The following FRYL variants were observed in gnomAD, a reference collection of about 807,000 sequenced individuals.
FRYL encodes the protein FRY like transcription coactivator, also known as protein furry homolog-like.
In FRYL, 150 loss-of-function variants were observed where a neutral mutation model predicts 351.2. That is an observed-to-expected ratio of 0.43 (90% CI 0.37 to 0.49). The LOEUF (loss-of-function observed/expected upper bound fraction) is 0.49. Among genes scored for constraint, FRYL ranks in the 20% least tolerant of loss-of-function variants. FRYL has a pLI of 0.00. For synonymous variants in FRYL, 1,153 were observed against 1,257.1 expected (o/e 0.92, Z 1.75); for missense variants, 3,036 against 3,619.3 (o/e 0.84, Z 4.13).
intron 2 of FRYL, among the ~76,000 whole-genome samples, chr4:48,708,308 A>T (rs1459596038): frequency 1.1e-3 from 3 of 2,676 alleles, no homozygotes; most frequent in Non-Finnish European, 4.0e-3. Flanking sequence ...ATAAATAAAT[A>T]AAAATAAAAT....
chr4:48,593,621 C>A (rs1743991846), intron 16 of FRYL, among the ~76,000 whole-genome samples: 1 of 152,074 alleles, frequency 6.6e-6, no homozygotes. Context: ...GCCTCAGCCT[C>A]CCAAAGTGCT....
At chr4:48,605,633 C>A in intron 11 of FRYL, 108 bp downstream of exon 11, 3 of 744,146 alleles carry the variant, frequency 4.0e-6, no homozygotes, top group Non-Finnish European at 4.6e-6. Context: ...CTTCCCATGG[C>A]CACAGCTTAT....
intron 3 of FRYL, among the ~76,000 whole-genome samples, chr4:48,673,483 G>A (rs1342400178): frequency 6.6e-6 from 1 of 152,018 alleles, no homozygotes; most frequent in Admixed American, 6.6e-5. Flanking sequence ...GAACTCCTGG[G>A]TTCAAGTAGT....
chr4:48,683,869 C>T lies in FRYL; in HGVS notation c.-81+804G>A, dbSNP rs1764911582. On this transcript the variant is annotated intron_variant, in intron 3 of 63. Coordinates refer to ENST00000358350, the MANE Select transcript of FRYL (RefSeq NM_015030.2). Reference sequence around the variant, plus strand: ...AAAACTCATTCCTTTCTCCCCCTCTCTCCCTCCTTCTCTCTCTGGATATGA... The same window carrying T: ...AAAACTCATTCCTTTCTCCCCCTCTTTCCCTCCTTCTCTCTCTGGATATGA... Among the ~76,000 whole-genome samples the T allele has an allele frequency of 2.0e-5, 3 of 152,226 alleles. No individual in the cohort carries two copies. The South Asian group carries it at 6.2e-4, about 31-fold the overall frequency.
At chr4:48,766,791 G>C (rs1222849992) in intron 1 of FRYL, among the ~76,000 whole-genome samples, 1 of 151,818 alleles carries the variant, frequency 6.6e-6, no homozygotes, top group African/African-American at 2.4e-5. Context: ...TAGTGCAAAG[G>C]CTTAATTCTT....
chr4:48,597,835 G>A (rs1339588628), intron 13 of FRYL, among the ~76,000 whole-genome samples: 2 of 152,054 alleles, frequency 1.3e-5, no homozygotes, highest in Non-Finnish European at 2.9e-5. Flanking sequence ...GACCAAAAAG[G>A]CAAGGTGAGA....
At chr4:48,779,356 G>A (rs1776380407) in intron 1 of FRYL, among the ~76,000 whole-genome samples, 1 of 152,218 alleles carries the variant, frequency 6.6e-6, no homozygotes, top group Non-Finnish European at 1.5e-5. Context: ...CCGCAGGGCT[G>A]GCTCCGGCTC....
At chr4:48,561,152 A>G (rs1735424266) in intron 33 of FRYL, among the ~76,000 whole-genome samples, 1 of 152,226 alleles carries the variant, frequency 6.6e-6, no homozygotes, top group African/African-American at 2.4e-5. Context: ...TGTATTCAAG[A>G]AGTCCTATGT....
At chr4:48,674,082 AT>A (rs1288067870) in intron 3 of FRYL, among the ~76,000 whole-genome samples, 4 of 152,188 alleles carry the variant, frequency 2.6e-5, no homozygotes, top group African/African-American at 7.2e-5. Context: ...GTTAAAATAT[AT>A]TTTTTGTTAC....
At chr4:48,587,657 C>T (rs148912269) in intron 18 of FRYL, among the ~76,000 whole-genome samples, 2,842 of 152,138 alleles carry the variant, frequency 0.019, 88 homozygotes, top group African/African-American at 0.064. Context: ...GATTCTCCTG[C>T]CTCAGCCTCC....
intron 29 of FRYL, 127 bp downstream of exon 29, chr4:48,565,404 A>G (rs1736555806): frequency 1.7e-6 from 1 of 588,208 alleles, no homozygotes; most frequent in Non-Finnish European, 2.7e-6. Flanking sequence ...TTATGGTATA[A>G]GTTTTGAATA....
At chr4:48,557,223 T>A in intron 34 of FRYL, 105 bp from the exon 35 acceptor site, 1 of 1,369,034 alleles carries the variant, frequency 7.3e-7, no homozygotes, top group Non-Finnish European at 9.9e-7. Flanking sequence ...CAGATAGCTT[T>A]AATCGTTTCC....
rs996706710 is a variant in FRYL, at chr4:48,497,717, G to C, written c.*1705C>G. Reference sequence around the variant, plus strand: ...ACCCAAAAGTTTTAAATAATTTAAAGGATACCAATTACAGTACCAGAACAC... The same window carrying C: ...ACCCAAAAGTTTTAAATAATTTAAACGATACCAATTACAGTACCAGAACAC... On this transcript the variant is annotated 3_prime_UTR_variant, in exon 64 of 64. Coordinates refer to ENST00000358350, the MANE Select transcript of FRYL (RefSeq NM_015030.2). 6.6e-6 allele frequency: 1 copy of C among 152,550 alleles called. No homozygotes were observed. The highest frequency in any genetic ancestry group is 6.6e-5 in the Admixed American group (1 of 15,260). The allele number at this position is 152,550 out of a possible 1,614,324, so 9.4% of individuals were successfully genotyped here.
At chr4:48,624,101 G>C (rs73148228) in intron 4 of FRYL, among the ~76,000 whole-genome samples, 246 of 152,124 alleles carry the variant, frequency 1.6e-3, no homozygotes, top group African/African-American at 5.8e-3. Context: ...ACAGTATATT[G>C]CCAGTACAAT....
chr4:48,666,064 ACT>A (rs759592683), intron 3 of FRYL, among the ~76,000 whole-genome samples: 2 of 152,162 alleles, frequency 1.3e-5, no homozygotes, highest in Non-Finnish European at 2.9e-5. Flanking sequence ...AGCAAAAATA[ACT>A]CTTAAGAGGA....
At chr4:48,687,492 C>CGG (rs561805370) in intron 2 of FRYL, among the ~76,000 whole-genome samples, 10 of 46,582 alleles carry the variant, frequency 2.1e-4, no homozygotes, top group Admixed American at 8.3e-4. Flanking sequence ...CAAATGAGGT[C>CGG]GGGGGGGGGG....
chr4:48,502,758 A>G lies in FRYL; in HGVS notation c.8481+70T>C. On this transcript the variant is annotated intron_variant, in intron 61 of 63. Transcript: ENST00000358350. ...GAAAACATTGCTGGGTCACAAATGG[A>G]CAAATGGCAGATGAAAACCAGTTTG... 2.4e-6 allele frequency: 3 copies of G among 1,241,294 alleles called. No homozygotes were observed. In the South Asian group the frequency reaches 3.8e-5, roughly 16 times the overall value. The allele number at this position is 1,241,294 out of a possible 1,614,324, so 76.9% of individuals were successfully genotyped here.
intron 43 of FRYL, 140 bp downstream of exon 43, chr4:48,544,641 CAG>C: frequency 1.7e-6 from 1 of 584,534 alleles, no homozygotes. Context: ...TCAGTGAAAA[CAG>C]ATCTGTTATC....
At chr4:48,732,572 T>C (rs1191495617) in intron 1 of FRYL, among the ~76,000 whole-genome samples, 1 of 152,080 alleles carries the variant, frequency 6.6e-6, no homozygotes, top group Non-Finnish European at 1.5e-5. Flanking sequence ...GTGGCACATA[T>C]ACACCATGGA....
Sources: gnomAD v4.1 joint callset for allele counts (sites outside exome capture counted in the v4.1 genomes callset) on GRCh38, gnomAD v4.1.1 for gene constraint, MANE v1.5 for transcripts, NCBI Gene and HGNC (gene_info 2026-07-23, HGNC 2026-07-21) for gene names.